The following FHIP2A variants were observed in gnomAD, a reference collection of about 807,000 sequenced individuals.
The protein encoded by FHIP2A is FHF complex subunit HOOK interacting protein 2A, also known as family with sequence similarity 160 member B1.
FHIP2A carries 46 observed loss-of-function variants against 93.5 expected under a neutral mutation model. That is an observed-to-expected ratio of 0.49 (90% confidence interval 0.39 to 0.63). The LOEUF is 0.63. Among genes scored for constraint, FHIP2A ranks in the 20% least tolerant of loss-of-function variants. The pLI, the probability that FHIP2A is intolerant of heterozygous loss-of-function variation, is 0.00. For missense variants in FHIP2A, 769 were observed against 909.7 expected (o/e 0.85, Z 1.99); for synonymous variants, 332 against 326.5 (o/e 1.02, Z -0.18).
At chr10:114,847,876 A>G (rs1035816661) in intron 12 of FHIP2A, among the ~76,000 whole-genome samples, 1 of 151,918 alleles carries the variant, frequency 6.6e-6, no homozygotes. Flanking sequence ...GCTCCTGAGT[A>G]GCTGGGATTA....
chr10:114,846,424 G>T, intron 10 of FHIP2A, 57 bp downstream of exon 10: 1 of 1,504,624 alleles, frequency 6.6e-7, no homozygotes, highest in Admixed American at 1.9e-5. Flanking sequence ...CGGTTTTAAT[G>T]TATTATACTT....
rs2083806585 is a variant in FHIP2A at position 114,862,516 on chromosome 10, T to G, written c.*976T>G. 1.1e-5 allele frequency: 11 copies of G among 987,426 alleles called. No homozygotes were observed. The highest frequency in any genetic ancestry group is 1.7e-5 in the African/African-American group (1 of 57,310). 61.2% of individuals were successfully genotyped at this position (987,426 alleles called of 1,614,324 possible). A position where few individuals can be genotyped will look rare whatever the true frequency, so the allele number is the denominator to read the frequency against. On this transcript the variant is annotated 3_prime_UTR_variant, in exon 17 of 17. Coordinates refer to ENST00000369248, the MANE Select transcript of FHIP2A (RefSeq NM_020940.4). ...CTCGATGTTTACATTTTTTTCTATT[T>G]TGTTCAGTCTTTTGTTTTAAATGAT...
At chr10:114,832,979 G>C (rs2083616335) in intron 2 of FHIP2A, among the ~76,000 whole-genome samples, 1 of 152,070 alleles carries the variant, frequency 6.6e-6, no homozygotes, top group Non-Finnish European at 1.5e-5. Context: ...CTCCCAAAGT[G>C]CTGGAATTAC....
At chr10:114,878,791 A>AAAAAAAAG (rs1555247326) in intron 16 of FHIP2A, among the ~76,000 whole-genome samples, 12 of 135,446 alleles carry the variant, frequency 8.9e-5, no homozygotes, top group Non-Finnish European at 1.6e-4. Context: ...AAAAAAAAAA[A>AAAAAAAAG]AAAGAAAGAA....
intron 5 of FHIP2A, among the ~76,000 whole-genome samples, chr10:114,839,498 C>T (rs547755527): frequency 9.2e-5 from 14 of 152,184 alleles, no homozygotes; most frequent in Non-Finnish European, 1.5e-4. Context: ...GCATGTATTC[C>T]CTGAAATGTC....
At position 114,860,820 on chromosome 10, in the gene FHIP2A, C is replaced by T. The variant is rs201958897; in HGVS notation, c.2019C>T (p.His673=). ...CTCTCTTCCCTCATCCACACATCCA[C>T]GAGTACCTTTTGGATCCTTACGTGA... The part of the protein sequence containing the change: ...RLSLFPHPHI[H]EYLLDPYVNL... Residue 673 remains histidine (H), a synonymous_variant, in exon 15 of 17, where the codon CAC becomes CAT. Coordinates refer to ENST00000369248, the MANE Select transcript of FHIP2A (RefSeq NM_020940.4). The T allele has an allele frequency of 4.7e-4, 751 of 1,608,656 alleles. 2 individuals carry two copies. Among genetic ancestry groups the T allele is most frequent in the South Asian group, 5.3e-4 (48 of 90,968 alleles).
chr10:114,894,260 AAGATG>A (rs1233071215), intron 16 of FHIP2A, among the ~76,000 whole-genome samples: 1 of 152,054 alleles, frequency 6.6e-6, no homozygotes, highest in African/African-American at 2.4e-5. Flanking sequence ...GACAGCTGCT[AAGATG>A]ATGTAGGATG....
chr10:114,875,918 A>AAGAAAGAAAG (rs1566384382), intron 16 of FHIP2A, among the ~76,000 whole-genome samples: 3 of 72,814 alleles, frequency 4.1e-5, no homozygotes, highest in African/African-American at 1.2e-4. Context: ...AAGAGAAAGA[A>AAGAAAGAAAG]AGAAAGAAAG....
intron 14 of FHIP2A, among the ~76,000 whole-genome samples, chr10:114,857,393 C>T (rs995150996): frequency 2.1e-5 from 3 of 146,116 alleles, no homozygotes; most frequent in Admixed American, 7.1e-5. Context: ...TCATTGCAAC[C>T]TCTCCCTCCC....
rs1592026628 is a variant in FHIP2A at position 114,862,154 on chromosome 10, AT to A, written c.*615del. ...ATTTAATATGATAAATTCTTGATTA[AT>A]ATAATATATCTATATTTTTAAAGAA... On this transcript the variant is annotated 3_prime_UTR_variant, in exon 17 of 17. Transcript: ENST00000369248. 2 of 902,840 alleles carry A rather than the reference AT, an allele frequency of 2.2e-6. No homozygotes were observed. The highest frequency in any genetic ancestry group is 2.4e-4 in the East Asian group (2 of 8,460). 55.9% of individuals were successfully genotyped at this position (902,840 alleles called of 1,614,324 possible). A position where few individuals can be genotyped will look rare whatever the true frequency, so the allele number is the denominator to read the frequency against.
Position 114,830,999 on chromosome 10 carries a change from A to G in FHIP2A, c.124+69A>G. ...AACAGAAAATTTGTGAAATACTAAA[A>G]TATTTTTAAGTAAGTCTCCAAAGTT... On this transcript the variant is annotated intron_variant, in intron 2 of 16. Transcript: ENST00000369248. The G allele has an allele frequency of 3.5e-6, 3 of 869,252 alleles. No individual in the cohort carries two copies. The South Asian group carries it at 5.4e-5, about 16-fold the overall frequency. The allele number at this position is 869,252 out of a possible 1,614,324, so 53.8% of individuals were successfully genotyped here. A position where few individuals can be genotyped will look rare whatever the true frequency, so the allele number is the denominator to read the frequency against.
intron 10 of FHIP2A, 84 bp downstream of exon 10, chr10:114,846,451 A>G (rs1566372073): frequency 6.9e-7 from 1 of 1,448,970 alleles, no homozygotes; most frequent in Non-Finnish European, 9.4e-7. Flanking sequence ...TTTTCAATAC[A>G]ACCTCTTTTA....
chr10:114,823,055 A>G (rs773117931), intron 1 of FHIP2A, among the ~76,000 whole-genome samples: 11 of 152,054 alleles, frequency 7.2e-5, no homozygotes, highest in Non-Finnish European at 1.6e-4. Context: ...CTGTGCAGAA[A>G]CAATTACTTT....
downstream of FHIP2A, among the ~76,000 whole-genome samples, chr10:114,868,375 A>G (rs368309263): frequency 2.6e-5 from 4 of 152,212 alleles, no homozygotes; most frequent in East Asian, 5.8e-4. Context: ...CGCTCCTTAT[A>G]AAAATCTAAC....
chr10:114,836,890 A>G lies in FHIP2A; in HGVS notation c.522+644A>G, dbSNP rs562270053. On this transcript the variant is annotated intron_variant, in intron 5 of 16. Transcript: ENST00000369248. ...TATGTTGTTTTTGTCCTTGTTTGTA[A>G]TTTATTTTTATTTTTATTTTTACTT... Among the ~76,000 whole-genome samples, 8 of 151,904 alleles carry G rather than the reference A, an allele frequency of 5.3e-5. No individual in the cohort carries two copies. In the East Asian group the frequency reaches 1.4e-3, roughly 26 times the overall value.
chr10:114,859,524 A>G (rs906483794), intron 14 of FHIP2A, among the ~76,000 whole-genome samples: 5 of 152,088 alleles, frequency 3.3e-5, no homozygotes, highest in Admixed American at 3.3e-4. Flanking sequence ...CACTCTTGCC[A>G]CCTGGGTTCT....
chr10:114,822,700 G>A (rs1210223375), intron 1 of FHIP2A, among the ~76,000 whole-genome samples: 1 of 152,214 alleles, frequency 6.6e-6, no homozygotes, highest in Non-Finnish European at 1.5e-5. Flanking sequence ...GCTTTCTTGG[G>A]CCTGGAGGCC....
At chr10:114,857,282 T>C (rs2083772307) in intron 14 of FHIP2A, among the ~76,000 whole-genome samples, 3 of 151,346 alleles carry the variant, frequency 2.0e-5, no homozygotes, top group Admixed American at 2.0e-4. Context: ...GCTTGTAGTT[T>C]CTTTTTTTTC....
At chr10:114,880,173 GAAGTA>G in intron 16 of FHIP2A, among the ~76,000 whole-genome samples, 2 of 152,274 alleles carry the variant, frequency 1.3e-5, no homozygotes, top group East Asian at 3.9e-4. Flanking sequence ...ATACAGACAG[GAAGTA>G]AACTTGGGCT....
Sources: allele counts gnomAD v4.1 joint callset (sites outside exome capture counted in the v4.1 genomes callset), GRCh38; gene constraint gnomAD v4.1.1; transcripts MANE v1.5; gene names NCBI Gene and HGNC (gene_info 2026-07-23, HGNC 2026-07-21).